The following ENOX1 variants were observed in gnomAD, a reference collection of about 807,000 sequenced individuals.
ENOX1 encodes ecto-NOX disulfide-thiol exchanger 1, also known as candidate growth-related and time keeping constitutive hydroquinone (NADH) oxidase.
A neutral mutation model predicts 82.5 loss-of-function variants in ENOX1; 42 were observed. The ratio of observed to expected loss-of-function variants is 0.51; its 90% CI spans 0.40 to 0.66. The LOEUF (loss-of-function observed/expected upper bound fraction) is 0.66, where lower values mean the gene tolerates loss of function less well. ENOX1 is among the 30% of genes least tolerant of loss of function. ENOX1 has a pLI of 0.00. For missense variants in ENOX1, 608 were observed against 811.6 expected (o/e 0.75, Z 3.05); for synonymous variants, 271 against 282.2 (o/e 0.96, Z 0.40).
At chr13:43,567,867 C>T (rs1031620455) in intron 2 of ENOX1, among the ~76,000 whole-genome samples, 9 of 152,276 alleles carry the variant, frequency 5.9e-5, no homozygotes, top group Non-Finnish European at 8.8e-5. Flanking sequence ...TGCATACATG[C>T]CTTTTCCTGG....
chr13:43,561,601 T>C (rs2079671605), intron 2 of ENOX1, among the ~76,000 whole-genome samples: 1 of 151,980 alleles, frequency 6.6e-6, no homozygotes, highest in Non-Finnish European at 1.5e-5. Context: ...AATAGAAAAG[T>C]TAGAGTGTGA....
At chr13:43,665,987 G>A (rs762156270) in intron 2 of ENOX1, among the ~76,000 whole-genome samples, 25 of 150,114 alleles carry the variant, frequency 1.7e-4, no homozygotes, top group Non-Finnish European at 2.8e-4. Flanking sequence ...TTACAGGCTC[G>A]GTTCCACACA....
chr13:43,364,236 G>A (rs2050702964), intron 5 of ENOX1, among the ~76,000 whole-genome samples: 1 of 152,216 alleles, frequency 6.6e-6, no homozygotes, highest in Non-Finnish European at 1.5e-5. Context: ...GGAGAAGGCA[G>A]CGCAACCCGA....
chr13:43,445,906 C>T (rs2056627887), intron 3 of ENOX1, among the ~76,000 whole-genome samples: 1 of 152,156 alleles, frequency 6.6e-6, no homozygotes, highest in Non-Finnish European at 1.5e-5. Flanking sequence ...CCTGGGAGTT[C>T]TGCAGGGTTT....
intron 2 of ENOX1, among the ~76,000 whole-genome samples, chr13:43,623,418 G>C (rs1655676838): frequency 1.3e-5 from 2 of 152,148 alleles, no homozygotes; most frequent in Admixed American, 1.3e-4. Context: ...AGTTCCCAGG[G>C]CCCTTCTCAC....
In ENOX1 at chr13:43,356,033, G is replaced by T. The variant is rs369178540; in HGVS notation, c.709C>A (p.Arg237=). 3 of 1,614,068 alleles carry T rather than the reference G, an allele frequency of 1.9e-6. No homozygotes were observed. The highest frequency in any genetic ancestry group is 1.7e-5 in the Admixed American group (1 of 60,028). The change falls in exon 8 of 17, where the codon CGG becomes AGG. Residue 237 remains arginine (R), a synonymous_variant. Coordinates refer to ENST00000690772, the MANE Select transcript of ENOX1 (RefSeq NM_001347969.2). ...EWECKQRMRA[R]EERHRRKLEE... is the part of the protein sequence containing the mutation. Reference sequence around the variant, plus strand: ...AGCTTGCGCCGGTGCCGCTCCTCCCGGGCACGCATCCTCTGCTTGCATTCC... The same window carrying T: ...AGCTTGCGCCGGTGCCGCTCCTCCCTGGCACGCATCCTCTGCTTGCATTCC...
chr13:43,717,984 A>C (rs1014568094), intron 1 of ENOX1, among the ~76,000 whole-genome samples: 3 of 152,226 alleles, frequency 2.0e-5, no homozygotes, highest in Non-Finnish European at 2.9e-5. Flanking sequence ...AGATTTCTCA[A>C]AAAAGTTATA....
At chr13:43,619,126 A>G (rs745810040) in intron 2 of ENOX1, among the ~76,000 whole-genome samples, 1 of 152,060 alleles carries the variant, frequency 6.6e-6, no homozygotes, top group Non-Finnish European at 1.5e-5. Flanking sequence ...TATCAGTTCT[A>G]GAACCTTTCT....
chr13:43,676,653 C>G (rs934150202), intron 1 of ENOX1, among the ~76,000 whole-genome samples: 3 of 152,142 alleles, frequency 2.0e-5, no homozygotes, highest in Non-Finnish European at 4.4e-5. Context: ...CTTGCAAGCA[C>G]AGTCCCACTA....
chr13:43,773,532 A>C (rs981002927), intron 1 of ENOX1, among the ~76,000 whole-genome samples: 3 of 152,148 alleles, frequency 2.0e-5, no homozygotes, highest in African/African-American at 7.2e-5. Context: ...CTCCAGCCAC[A>C]CTGGCCTCCT....
chr13:43,236,591 A>C, intron 15 of ENOX1, 45 bp downstream of exon 15: 1 of 1,158,868 alleles, frequency 8.6e-7, no homozygotes, highest in Non-Finnish European at 1.2e-6. Flanking sequence ...TTAATTACCT[A>C]ATAATTATTT....
chr13:43,646,863 C>T (rs1253291030), intron 2 of ENOX1, among the ~76,000 whole-genome samples: 2 of 152,186 alleles, frequency 1.3e-5, no homozygotes, highest in African/African-American at 2.4e-5. Flanking sequence ...TCTCAATAAT[C>T]GTTTTATCCT....
chr13:43,545,159 G>A (rs1295711354), intron 2 of ENOX1: 1 of 152,130 alleles, frequency 6.6e-6, no homozygotes, highest in East Asian at 1.9e-4. Flanking sequence ...TGGTATCTCT[G>A]CTATCTCAAA....
intron 3 of ENOX1, among the ~76,000 whole-genome samples, chr13:43,437,058 G>A (rs568559361): frequency 6.6e-6 from 1 of 152,256 alleles, no homozygotes; most frequent in Non-Finnish European, 1.5e-5. Context: ...ACAGGACTGG[G>A]ATCGAACATT....
At chr13:43,370,453 C>T (rs928658635) in intron 5 of ENOX1, among the ~76,000 whole-genome samples, 6 of 152,196 alleles carry the variant, frequency 3.9e-5, no homozygotes, top group African/African-American at 1.4e-4. Context: ...TGTAAATTTC[C>T]AGTTTTACGG....
intron 2 of ENOX1, among the ~76,000 whole-genome samples, chr13:43,558,766 A>T (rs2079547327): frequency 6.6e-6 from 1 of 152,156 alleles, no homozygotes; most frequent in African/African-American, 2.4e-5. Flanking sequence ...GACTAAAGAG[A>T]AGTAGAGTTT....
intron 5 of ENOX1, among the ~76,000 whole-genome samples, chr13:43,392,194 T>A (rs768223742): frequency 3.3e-5 from 5 of 152,270 alleles, no homozygotes; most frequent in Non-Finnish European, 7.3e-5. Flanking sequence ...ATTGCAGCAT[T>A]GTATTATTTC....
chr13:43,379,673 G>A (rs1396464554), intron 5 of ENOX1, among the ~76,000 whole-genome samples: 3 of 152,036 alleles, frequency 2.0e-5, no homozygotes, highest in Non-Finnish European at 4.4e-5. Context: ...AAAGGGCTGT[G>A]GGACAACTGC....
intron 2 of ENOX1, among the ~76,000 whole-genome samples, chr13:43,505,711 C>T (rs1368086271): frequency 6.6e-6 from 1 of 152,060 alleles, no homozygotes; most frequent in East Asian, 1.9e-4. Flanking sequence ...TGCCTGTTCA[C>T]TCTGATGGTG....
Sources: gnomAD v4.1 joint callset for allele counts (sites outside exome capture counted in the v4.1 genomes callset) on GRCh38, gnomAD v4.1.1 for gene constraint, MANE v1.5 for transcripts, NCBI Gene and HGNC (gene_info 2026-07-23, HGNC 2026-07-21) for gene names.